The following FGF14 variants were observed in gnomAD, a reference collection of about 807,000 sequenced individuals.
FGF14 encodes fibroblast growth factor homologous factor 4.
Under a neutral mutation model 25.5 loss-of-function variants are expected in FGF14, and 5 were observed. That is an observed-to-expected ratio of 0.20 (90% CI 0.10 to 0.41). FGF14 has a LOEUF of 0.41. Ranked by LOEUF, FGF14 falls within the 10% of genes least tolerant of loss-of-function variation. The probability of loss-of-function intolerance (pLI) is 1.00; values close to 1 mark genes in which losing one functional copy is unlikely to be tolerated. For synonymous variants in FGF14, 138 were observed against 118.3 expected, an observed-to-expected ratio of 1.17 and a Z score of -1.08; for missense variants, 222 against 320.1, an observed-to-expected ratio of 0.69 and a Z score of 2.34.
chr13:101,948,251 T>C (rs147054963), intron 1 of FGF14, among the ~76,000 whole-genome samples: 1 of 152,270 alleles, frequency 6.6e-6, no homozygotes, highest in East Asian at 1.9e-4. Flanking sequence ...CATCCACATG[T>C]ATTTTGAAAT....
At chr13:101,730,602 AGTCATACT>A (rs1217554912) in intron 3 of FGF14, among the ~76,000 whole-genome samples, 11 of 152,252 alleles carry the variant, frequency 7.2e-5, no homozygotes, top group African/African-American at 2.4e-4. Context: ...GTAATTGCAC[AGTCATACT>A]TTGTGCTTCA....
intron 1 of FGF14, among the ~76,000 whole-genome samples, chr13:101,894,421 A>G (rs1331372962): frequency 6.6e-6 from 1 of 152,142 alleles, no homozygotes; most frequent in Non-Finnish European, 1.5e-5. Context: ...GGAATTATCT[A>G]TTAGTCCAAT....
chr13:101,789,435 G>C (rs1037602679), intron 3 of FGF14, among the ~76,000 whole-genome samples: 5 of 152,030 alleles, frequency 3.3e-5, no homozygotes, highest in African/African-American at 1.2e-4. Flanking sequence ...TCATTTCCCA[G>C]CCCAAAACAT....
intron 1 of FGF14, among the ~76,000 whole-genome samples, chr13:102,347,103 G>A (rs2057131486): frequency 2.0e-5 from 3 of 152,166 alleles, no homozygotes; most frequent in African/African-American, 7.2e-5. Flanking sequence ...TACATGGTGA[G>A]ATGCATGACC....
chr13:101,784,046 G>A (rs1310741652), intron 3 of FGF14, among the ~76,000 whole-genome samples: 2 of 152,146 alleles, frequency 1.3e-5, no homozygotes, highest in East Asian at 3.8e-4. Flanking sequence ...CCATCGGTCT[G>A]TGTGTCTGTT....
At chr13:102,236,234 C>T (rs531970551) in intron 1 of FGF14, among the ~76,000 whole-genome samples, 1 of 152,052 alleles carries the variant, frequency 6.6e-6, no homozygotes, top group African/African-American at 2.4e-5. Context: ...TGGACTTGCC[C>T]GAATTATTCG....
intron 3 of FGF14, among the ~76,000 whole-genome samples, chr13:101,812,653 ATTTTTTTT>A (rs869237724): frequency 1.7e-4 from 2 of 11,618 alleles, no homozygotes; most frequent in Non-Finnish European, 3.3e-4. Context: ...ATATATATAT[ATTTTTTTT>A]TTTTTTTTTT....
At chr13:102,236,151 C>T (rs913839584) in intron 1 of FGF14, among the ~76,000 whole-genome samples, 1 of 152,248 alleles carries the variant, frequency 6.6e-6, no homozygotes, top group African/African-American at 2.4e-5. Context: ...CCTCCTCTTG[C>T]TTTGGGGAAT....
At chr13:101,802,812 T>G (rs1341111374) in intron 3 of FGF14, among the ~76,000 whole-genome samples, 1 of 152,222 alleles carries the variant, frequency 6.6e-6, no homozygotes, top group African/African-American at 2.4e-5. Flanking sequence ...TATTTGGCTA[T>G]GGGCTAGAAA....
At chr13:102,215,934 G>A (rs1041620007) in intron 1 of FGF14, among the ~76,000 whole-genome samples, 2 of 152,172 alleles carry the variant, frequency 1.3e-5, no homozygotes, top group African/African-American at 4.8e-5. Context: ...CAGATGGAGT[G>A]AGAGAAAGAA....
rs2034636395 is a variant in FGF14 at position 101,714,733 on chromosome 13, G to T, written c.*8098C>A. ...CACAAAAGCCTCACATTATTCCTAG[G>T]CATAGAAGAATACAAGAGAATGAAG... On this transcript the variant is annotated 3_prime_UTR_variant, in exon 5 of 5. Transcript: ENST00000376143. The T allele has an allele frequency of 6.9e-6, 4 of 579,708 alleles. No individual in the cohort carries two copies. The Admixed American group carries it at 1.2e-4, about 18-fold the overall frequency. 35.9% of individuals were successfully genotyped at this position (579,708 alleles called of 1,614,324 possible).
At chr13:102,214,188 C>T (rs1182533302) in intron 1 of FGF14, among the ~76,000 whole-genome samples, 1 of 152,240 alleles carries the variant, frequency 6.6e-6, no homozygotes, top group Non-Finnish European at 1.5e-5. Flanking sequence ...CAATATTGGT[C>T]CATCGCTGTT....
At chr13:102,289,917 TTCTC>T (rs1198495220) in intron 1 of FGF14, among the ~76,000 whole-genome samples, 1 of 152,116 alleles carries the variant, frequency 6.6e-6, no homozygotes, top group Non-Finnish European at 1.5e-5. Context: ...CTCTCTGCCT[TTCTC>T]TCTCTCTTTC....
chr13:102,344,984 G>T (rs537887725), intron 1 of FGF14, among the ~76,000 whole-genome samples: 8 of 152,280 alleles, frequency 5.3e-5, no homozygotes, highest in African/African-American at 1.7e-4. Flanking sequence ...TCTAGAACAT[G>T]AGGCTGGCTC....
intron 3 of FGF14, among the ~76,000 whole-genome samples, chr13:101,861,939 T>C (rs2044439631): frequency 6.6e-6 from 1 of 152,062 alleles, no homozygotes; most frequent in African/African-American, 2.4e-5. Flanking sequence ...ATCATAGCGG[T>C]TTTCTTGTTT....
intron 1 of FGF14, among the ~76,000 whole-genome samples, chr13:101,893,776 G>A (rs2030162619): frequency 6.6e-6 from 1 of 152,100 alleles, no homozygotes; most frequent in Non-Finnish European, 1.5e-5. Context: ...ATTTTAGCCT[G>A]GCGAGATCCA....
chr13:102,014,113 A>C (rs576160097), intron 1 of FGF14, among the ~76,000 whole-genome samples: 2 of 152,302 alleles, frequency 1.3e-5, no homozygotes, highest in South Asian at 4.1e-4. Flanking sequence ...GTAAATGATG[A>C]GGCCAAGACT....
chr13:102,092,934 T>G (rs142167730), intron 1 of FGF14, among the ~76,000 whole-genome samples: 116 of 152,256 alleles, frequency 7.6e-4, no homozygotes, highest in African/African-American at 2.7e-3. Context: ...AGCATAAGGT[T>G]AGGATTAGAG....
chr13:102,008,170 C>A (rs759676441), intron 1 of FGF14, among the ~76,000 whole-genome samples: 1 of 152,164 alleles, frequency 6.6e-6, no homozygotes, highest in Non-Finnish European at 1.5e-5. Flanking sequence ...TTACCAACTG[C>A]CATCTAATTG....
Sources: gnomAD v4.1 joint callset for allele counts (sites outside exome capture counted in the v4.1 genomes callset) on GRCh38, gnomAD v4.1.1 for gene constraint, MANE v1.5 for transcripts, NCBI Gene and HGNC (gene_info 2026-07-23, HGNC 2026-07-21) for gene names.